ABLIM2: variants seen among roughly 807,000 people sequenced by gnomAD.
ABLIM2 encodes actin binding LIM protein family member 2.
ABLIM2 carries 53 observed loss-of-function variants against 97.7 expected under a neutral mutation model. That is an observed-to-expected ratio of 0.54 (90% confidence interval 0.44 to 0.68). The LOEUF (loss-of-function observed/expected upper bound fraction) is 0.68. ABLIM2 is among the 30% of genes least tolerant of loss of function. The pLI is 0.00. For synonymous variants in ABLIM2, 361 were observed against 345.8 expected (o/e 1.04, Z -0.49); for missense variants, 835 against 867.2 (o/e 0.96, Z 0.47).
In ABLIM2 at chr4:8,061,669, C is replaced by T. The variant is rs953354737; in HGVS notation, c.676-615G>A. On this transcript the variant is annotated intron_variant, in intron 6 of 20. Transcript: ENST00000447017. The surrounding 1 kb of genome is among the most constrained non-coding windows in gnomAD (Gnocchi z 4.5). ...TGCCTGGAGCAAAAAAAAAAAAAAT[C>T]ACCCCGAAATGCTCCCTTTACCCCC... Among the ~76,000 whole-genome samples, 1 of 149,372 alleles carries T rather than the reference C, an allele frequency of 6.7e-6. No homozygotes were observed. The highest frequency in any genetic ancestry group is 2.5e-5 in the African/African-American group (1 of 39,884).
intron 1 of ABLIM2, among the ~76,000 whole-genome samples, chr4:8,143,169 G>GC (rs200755302): frequency 0.022 from 3,207 of 149,078 alleles, 130 homozygotes; most frequent in Non-Finnish European, 0.033. Flanking sequence ...TGGGGGGGGG[G>GC]GGCGTCTGCA....
intron 14 of ABLIM2, among the ~76,000 whole-genome samples, chr4:8,009,597 T>C (rs1763574452): frequency 6.6e-6 from 1 of 152,182 alleles, no homozygotes; most frequent in African/African-American, 2.4e-5. Flanking sequence ...GGTTTTGCCA[T>C]GTTGGCCAGG....
chr4:8,032,793 A>G lies in ABLIM2; in HGVS notation c.1048-3017T>C. ...GCGCAAACACCCACACAGAGCCCTG[A>G]TCCTCCAGACAGGAAAAGAACTCTA... On this transcript the variant is annotated intron_variant, in intron 10 of 20. Coordinates refer to ENST00000447017, the MANE Select transcript of ABLIM2 (RefSeq NM_001130083.2). The surrounding 1 kb of genome is among the most constrained non-coding windows in gnomAD (Gnocchi z 4.3). The G allele has an allele frequency of 1.8e-6, 2 of 1,098,226 alleles. No homozygotes were observed. Among genetic ancestry groups the G allele is most frequent in the Non-Finnish European group, 2.8e-6 (2 of 724,972 alleles). The allele number at this position is 1,098,226 out of a possible 1,614,324, so 68.0% of individuals were successfully genotyped here. A position where few individuals can be genotyped will look rare whatever the true frequency, so the allele number is the denominator to read the frequency against.
chr4:8,106,301 G>A lies in ABLIM2; in HGVS notation c.154+193C>T, dbSNP rs188580329. On this transcript the variant is annotated intron_variant, in intron 2 of 20. Transcript: ENST00000447017. ...ATCCCCTGACCCTCCCCAATCTGGT[G>A]ATTTCTCCATCACATCCACAAGTGA... is the stretch of plus-strand genomic sequence containing the variant. Among the ~76,000 whole-genome samples the A allele has an allele frequency of 2.9e-3, 435 of 152,292 alleles. 4 individuals carry two copies. The highest frequency in any genetic ancestry group is 9.8e-3 in the African/African-American group (406 of 41,566).
chr4:8,109,000 G>A (rs1160183801), intron 1 of ABLIM2, among the ~76,000 whole-genome samples: 1 of 152,222 alleles, frequency 6.6e-6, no homozygotes, highest in Non-Finnish European at 1.5e-5. Flanking sequence ...CAGGTGTGTT[G>A]TTGAGCTGCT....
rs762303211 is a variant in ABLIM2 at position 8,113,394 on chromosome 4, T to C, written c.11-6757A>G. On this transcript the variant is annotated intron_variant, in intron 1 of 20. Transcript: ENST00000447017. The surrounding 1 kb of genome is among the most constrained non-coding windows in gnomAD (Gnocchi z 4.5). ...ACAGGCATGAGCCACCGTGCCTGGC[T>C]GGGGATTTGCTTGACTGTTTATTTC... is the stretch of plus-strand genomic sequence containing the variant. Among the ~76,000 whole-genome samples the C allele has an allele frequency of 1.3e-5, 2 of 152,166 alleles. No homozygotes were observed. Among genetic ancestry groups the C allele is most frequent in the Non-Finnish European group, 2.9e-5 (2 of 68,026 alleles).
rs533468645 is a variant in ABLIM2 at position 7,974,408 on chromosome 4, C to CATCT, written c.1825-7306_1825-7305insAGAT. On this transcript the variant is annotated intron_variant, in intron 20 of 20. Transcript: ENST00000447017. Reference sequence around the variant, plus strand: ...CCATCCACCCATCCATCCACCCATCCATCCACCAATCCATCCACCCACCCT... The same window carrying CATCT: ...CCATCCACCCATCCATCCACCCATCCATCTATCCACCAATCCATCCACCCACCCT... Among the ~76,000 whole-genome samples, 321 of 136,260 alleles carry CATCT rather than the reference C, an allele frequency of 2.4e-3. 6 individuals are homozygous for CATCT. The highest frequency in any genetic ancestry group is 7.8e-3 in the African/African-American group (290 of 37,006). 89.4% of individuals were successfully genotyped at this position (136,260 alleles called of 152,430 possible).
chr4:8,051,317 G>C (rs1795891097), intron 8 of ABLIM2, among the ~76,000 whole-genome samples: 1 of 152,210 alleles, frequency 6.6e-6, no homozygotes, highest in Non-Finnish European at 1.5e-5. Flanking sequence ...GGGAGGCCGA[G>C]GCGGGCGGAT....
Position 8,005,953 on chromosome 4 carries a change from G to A in ABLIM2, c.1618+2106C>T, listed in dbSNP as rs1216971506. On this transcript the variant is annotated intron_variant, in intron 16 of 20. Coordinates refer to ENST00000447017, the MANE Select transcript of ABLIM2 (RefSeq NM_001130083.2). The surrounding 1 kb of genome is among the most constrained non-coding windows in gnomAD (Gnocchi z 4.9). ...TCCTGCAGACCCAGCATGCCAGGAT[G>A]GAGGCAGCCGCAGCCTGCGTGCATC... Among the ~76,000 whole-genome samples the A allele has an allele frequency of 6.6e-6, 1 of 152,242 alleles. No homozygotes were observed. Among genetic ancestry groups the A allele is most frequent in the Non-Finnish European group, 1.5e-5 (1 of 68,036 alleles).
rs1386322085 is a variant in ABLIM2, at chr4:8,120,260, G to A, written c.11-13623C>T. On this transcript the variant is annotated intron_variant, in intron 1 of 20. Coordinates refer to ENST00000447017, the MANE Select transcript of ABLIM2 (RefSeq NM_001130083.2). The surrounding 1 kb of genome is among the most constrained non-coding windows in gnomAD (Gnocchi z 5.6). ...GTGGGCTGAACCGGGACCCCCAGATGCCCACGTTGAAGTCCTAACCCCCGG... is the reference window on the plus strand; with the variant it reads ...GTGGGCTGAACCGGGACCCCCAGATACCCACGTTGAAGTCCTAACCCCCGG... Among the ~76,000 whole-genome samples, 2 of 152,176 alleles carry A rather than the reference G, an allele frequency of 1.3e-5. No homozygotes were observed. The highest frequency in any genetic ancestry group is 2.9e-5 in the Non-Finnish European group (2 of 68,030).
At chr4:8,105,552 G>A (rs912587382) in intron 2 of ABLIM2, among the ~76,000 whole-genome samples, 1 of 152,166 alleles carries the variant, frequency 6.6e-6, no homozygotes, top group African/African-American at 2.4e-5. Flanking sequence ...ACATTTCCTA[G>A]TTTTGTTTGC....
intron 16 of ABLIM2, among the ~76,000 whole-genome samples, chr4:7,993,596 G>T (rs1168277233): frequency 3.3e-5 from 5 of 152,276 alleles, no homozygotes; most frequent in Admixed American, 2.6e-4. Flanking sequence ...AGGATCCCTT[G>T]AGCCCAGGAG....
intron 6 of ABLIM2, among the ~76,000 whole-genome samples, chr4:8,066,901 AT>A (rs1486211485): frequency 6.6e-6 from 1 of 152,194 alleles, no homozygotes; most frequent in East Asian, 1.9e-4. Flanking sequence ...CGTTACGTGA[AT>A]GTCACCTCAA....
At chr4:8,031,038 A>C (rs1319495859) in intron 10 of ABLIM2, among the ~76,000 whole-genome samples, 1 of 152,218 alleles carries the variant, frequency 6.6e-6, no homozygotes, top group Non-Finnish European at 1.5e-5. Context: ...TCTGCAGAAG[A>C]TTCCGGTTCT....
intron 1 of ABLIM2, among the ~76,000 whole-genome samples, chr4:8,145,452 G>A (rs963703244): frequency 3.9e-5 from 6 of 152,038 alleles, no homozygotes; most frequent in African/African-American, 1.5e-4. Context: ...CCAAAGTGCT[G>A]GGATTACAGG....
chr4:8,025,592 A>G (rs2151066192), intron 12 of ABLIM2, among the ~76,000 whole-genome samples: 1 of 152,202 alleles, frequency 6.6e-6, no homozygotes, highest in Non-Finnish European at 1.5e-5. Flanking sequence ...GGCCTTCTTC[A>G]CCCTGAAGTG....
chr4:8,120,072 C>T lies in ABLIM2; in HGVS notation c.11-13435G>A, dbSNP rs17181631. Among the ~76,000 whole-genome samples, 30,973 of 152,126 alleles carry T rather than the reference C, an allele frequency of 0.2. 3,957 individuals are homozygous for T. The highest frequency in any genetic ancestry group is 0.29 in the Non-Finnish European group (19,373 of 67,962). On this transcript the variant is annotated intron_variant, in intron 1 of 20. Coordinates refer to ENST00000447017, the MANE Select transcript of ABLIM2 (RefSeq NM_001130083.2). This position sits in a 1 kb window ranked among gnomAD's most constrained non-coding sequence, Gnocchi z 5.6. ...CTGTTCACAGAGCGACAGGCACAGA[C>T]GTCGGGCGGCAGGGTCCCTGGCGGC...
In ABLIM2 at chr4:8,072,137, C is replaced by T. The variant is rs367804960; in HGVS notation, c.675+5491G>A. 92 of 887,154 alleles carry T rather than the reference C, an allele frequency of 1.0e-4. 1 individual carries two copies. The East Asian group carries it at 2.9e-3, about 28-fold the overall frequency. The allele number at this position is 887,154 out of a possible 1,614,324, so 55.0% of individuals were successfully genotyped here. ...AAAAGCATTAATCTTCCCCAGGAGGCCCTTTCTCCTCCACAGCAGAGGAGG... is the reference window on the plus strand; with the variant it reads ...AAAAGCATTAATCTTCCCCAGGAGGTCCTTTCTCCTCCACAGCAGAGGAGG... On this transcript the variant is annotated intron_variant, in intron 6 of 20. Coordinates refer to ENST00000447017, the MANE Select transcript of ABLIM2 (RefSeq NM_001130083.2). The surrounding 1 kb of genome is among the most constrained non-coding windows in gnomAD (Gnocchi z 5.8).
At position 7,983,252 on chromosome 4, in the gene ABLIM2, T is replaced by TCC. The variant is rs2149678420; in HGVS notation, c.1824+10_1824+11dup. On this transcript the variant is annotated intron_variant, in intron 20 of 20. Transcript: ENST00000447017. ...GGAAATGAGTCCCCTGCCCCGGCAG[T>TCC]CCCCCGCTTACCTCCAGTCTCGTCC... is the stretch of plus-strand genomic sequence containing the variant. 1 of 1,605,694 alleles carries TCC rather than the reference T, an allele frequency of 6.2e-7. No homozygotes were observed. Among genetic ancestry groups the TCC allele is most frequent in the East Asian group, 2.2e-5 (1 of 44,656 alleles).
Sources: allele counts gnomAD v4.1 joint callset (sites outside exome capture counted in the v4.1 genomes callset), GRCh38; gene constraint gnomAD v4.1.1; non-coding constraint Gnocchi (gnomAD v3.1); transcripts MANE v1.5; gene names NCBI Gene and HGNC (gene_info 2026-07-23, HGNC 2026-07-21).